The following CYFIP1 variants were observed in gnomAD, a reference collection of about 807,000 sequenced individuals.
CYFIP1 encodes the protein cytoplasmic FMR1 interacting protein 1.
In CYFIP1, 58 loss-of-function variants were observed where a neutral mutation model predicts 163.5. That is an observed-to-expected ratio of 0.35 (90% CI 0.29 to 0.44). The LOEUF (loss-of-function observed/expected upper bound fraction) is 0.44. Among genes scored for constraint, CYFIP1 ranks in the 20% least tolerant of loss-of-function variants. The probability of loss-of-function intolerance (pLI) is 1.00; values close to 1 mark genes in which losing one functional copy is unlikely to be tolerated. For synonymous variants in CYFIP1, 663 were observed against 660.7 expected (o/e 1.00, Z -0.05); for missense variants, 1,338 against 1,653.8 (o/e 0.81, Z 3.31).
chr15:22,980,177 A>AGGGGG (rs376603365), intron 1 of CYFIP1, 110 bp downstream of exon 1: 24 of 108,622 alleles, frequency 2.2e-4, no homozygotes, highest in African/African-American at 8.7e-4. Context: ...GTTGGGGGGG[A>AGGGGG]GGGGGGGGTC....
intron 25 of CYFIP1, 145 bp downstream of exon 25, chr15:22,881,701 C>A: frequency 1.3e-6 from 1 of 747,540 alleles, no homozygotes; most frequent in Admixed American, 2.3e-5. Flanking sequence ...GACCCCAACA[C>A]ACCTCTTCCT....
intron 9 of CYFIP1, among the ~76,000 whole-genome samples, chr15:22,936,620 C>G (rs1459194735): frequency 6.6e-6 from 1 of 152,190 alleles, no homozygotes; most frequent in Non-Finnish European, 1.5e-5. Flanking sequence ...GAAAACAGAT[C>G]AGGCCTGTGA....
chr15:22,930,296 A>C (rs1423101289), intron 11 of CYFIP1, among the ~76,000 whole-genome samples: 1 of 148,702 alleles, frequency 6.7e-6, no homozygotes, highest in Admixed American at 6.8e-5. Flanking sequence ...CGGGAGGCTG[A>C]GGAAGGAGAA....
chr15:22,962,811 C>T (rs774054507), intron 1 of CYFIP1, among the ~76,000 whole-genome samples: 5 of 152,212 alleles, frequency 3.3e-5, no homozygotes, highest in Admixed American at 2.0e-4. Context: ...ACTGCTATTA[C>T]GAGACGCATG....
At chr15:22,880,357 C>G (rs1382025318) in intron 25 of CYFIP1, among the ~76,000 whole-genome samples, 2 of 152,176 alleles carry the variant, frequency 1.3e-5, no homozygotes, top group African/African-American at 4.8e-5. Context: ...CACCACATCC[C>G]CAGTGGGGGC....
At chr15:22,949,735 G>A (rs1401857069) in intron 1 of CYFIP1, among the ~76,000 whole-genome samples, 2 of 151,994 alleles carry the variant, frequency 1.3e-5, no homozygotes, top group Admixed American at 6.6e-5. Flanking sequence ...AACCTGGATG[G>A]GGTAAGATTT....
intron 1 of CYFIP1, among the ~76,000 whole-genome samples, chr15:22,973,003 G>A (rs931848906): frequency 8.5e-5 from 13 of 152,126 alleles, no homozygotes; most frequent in Admixed American, 7.9e-4. Flanking sequence ...GGGCATGGTG[G>A]TGCACACCTG....
At chr15:22,908,546 T>A (rs79705737) in intron 21 of CYFIP1, among the ~76,000 whole-genome samples, 1 of 101,000 alleles carries the variant, frequency 9.9e-6, no homozygotes, top group Admixed American at 1.3e-4. Context: ...TTTTTTTTTT[T>A]TGAGACAGAG....
intron 20 of CYFIP1, 125 bp from the exon 21 acceptor site, chr15:22,909,438 C>T: frequency 8.7e-7 from 1 of 1,146,246 alleles, no homozygotes; most frequent in Non-Finnish European, 1.3e-6. Context: ...CAACCACGTT[C>T]AAGACCCATC....
chr15:22,918,895 G>C, intron 13 of CYFIP1, 37 bp from the exon 14 acceptor site: 1 of 1,529,932 alleles, frequency 6.5e-7, no homozygotes, highest in Non-Finnish European at 8.9e-7. Context: ...GCCCTTCTTA[G>C]GGATGGCACC....
chr15:22,936,732 C>A lies in CYFIP1; in HGVS notation c.900+372G>T, dbSNP rs1489977880. On this transcript the variant is annotated intron_variant, in intron 9 of 30. Coordinates refer to ENST00000617928, the MANE Select transcript of CYFIP1 (RefSeq NM_014608.6). Reference sequence around the variant, plus strand: ...TTGGGAACATCCGAGAGCCCGCCAACATTGGAACGGATAAGTTACGGTGTA... The same window carrying A: ...TTGGGAACATCCGAGAGCCCGCCAAAATTGGAACGGATAAGTTACGGTGTA... Among the ~76,000 whole-genome samples, 2 of 152,208 alleles carry A rather than the reference C, an allele frequency of 1.3e-5. 1 individual carries two copies. The highest frequency in any genetic ancestry group is 2.9e-5 in the Non-Finnish European group (2 of 68,032).
intron 4 of CYFIP1, 77 bp from the exon 5 acceptor site, chr15:22,944,736 G>T: frequency 6.6e-7 from 1 of 1,517,254 alleles, no homozygotes; most frequent in Non-Finnish European, 9.2e-7. Flanking sequence ...TAGAGCTAGT[G>T]ATCCCGCCCT....
chr15:22,913,326 C>T (rs1288864084), intron 17 of CYFIP1, among the ~76,000 whole-genome samples: 2 of 151,004 alleles, frequency 1.3e-5, no homozygotes, highest in African/African-American at 4.9e-5. Flanking sequence ...GTCAGGAGTT[C>T]GAGACCAGCC....
At chr15:22,935,259 T>C (rs892613460) in intron 9 of CYFIP1, among the ~76,000 whole-genome samples, 12 of 152,112 alleles carry the variant, frequency 7.9e-5, no homozygotes, top group Non-Finnish European at 1.8e-4. Flanking sequence ...TGGAGGCTTG[T>C]GGACAGGACA....
chr15:22,960,076 C>T (rs1033920055), intron 1 of CYFIP1, among the ~76,000 whole-genome samples: 3 of 152,210 alleles, frequency 2.0e-5, no homozygotes, highest in South Asian at 2.1e-4. Context: ...TCCCCTACTG[C>T]GCCTGGCCTG....
Position 22,875,370 on chromosome 15 carries a change from TA to T in CYFIP1, c.3043-100del, listed in dbSNP as rs2059553831. On this transcript the variant is annotated intron_variant, in intron 26 of 30. Coordinates refer to ENST00000617928, the MANE Select transcript of CYFIP1 (RefSeq NM_014608.6). ...AACTTCTTTGCCTTTTAGCATAAAA[TA>T]AACTCTGTAAGTTTATTTTATCTCT... 2.6e-5 allele frequency: 25 copies of T among 967,920 alleles called. 1 individual carries two copies. In the South Asian group the frequency reaches 3.3e-4, roughly 13 times the overall value. 60.0% of individuals were successfully genotyped at this position (967,920 alleles called of 1,614,324 possible).
At chr15:22,923,368 C>A (rs1215359735) in intron 13 of CYFIP1, among the ~76,000 whole-genome samples, 1 of 152,144 alleles carries the variant, frequency 6.6e-6, no homozygotes, top group African/African-American at 2.4e-5. Context: ...AGACGTTTAA[C>A]ATCCTTAGTT....
chr15:22,871,854 A>AC (rs2059441452), intron 30 of CYFIP1, among the ~76,000 whole-genome samples: 1 of 152,112 alleles, frequency 6.6e-6, no homozygotes, highest in East Asian at 1.9e-4. Context: ...TGAACCCAGC[A>AC]CCTCAGACAC....
intron 11 of CYFIP1, among the ~76,000 whole-genome samples, chr15:22,928,511 A>G (rs1191896078): frequency 6.6e-6 from 1 of 152,232 alleles, no homozygotes; most frequent in Non-Finnish European, 1.5e-5. Flanking sequence ...TGCAGAGCAC[A>G]GAGCAAGGGA....
Sources: allele counts gnomAD v4.1 joint callset (sites outside exome capture counted in the v4.1 genomes callset), GRCh38; gene constraint gnomAD v4.1.1; transcripts MANE v1.5; gene names NCBI Gene and HGNC (gene_info 2026-07-23, HGNC 2026-07-21).